Variants in CLTC observed in about 807,000 individuals in gnomAD.
CLTC encodes clathrin heavy chain 1.
Under a neutral mutation model 195.8 loss-of-function variants are expected in CLTC, and 16 were observed. The observed-to-expected ratio is 0.08, with a 90% CI of 0.06 to 0.12. The LOEUF is 0.12. Among genes scored for constraint, CLTC ranks in the 10% least tolerant of loss-of-function variants. CLTC has a pLI of 1.00. For missense variants in CLTC, 796 were observed against 2,027.0 expected (o/e 0.39, Z 11.66); for synonymous variants, 667 against 689.4 (o/e 0.97, Z 0.51).
intron 1 of CLTC, among the ~76,000 whole-genome samples, chr17:59,633,295 A>T (rs2031773615): frequency 6.6e-6 from 1 of 152,196 alleles, no homozygotes; most frequent in Non-Finnish European, 1.5e-5. Context: ...GTTTGAGACC[A>T]GCCTGGCCAA....
rs753763471 is a variant in CLTC, at chr17:59,676,921, T to A, written c.2562-33T>A. The A allele has an allele frequency of 4.9e-6, 7 of 1,431,194 alleles. No homozygotes were observed. In the South Asian group the frequency reaches 8.0e-5, roughly 16 times the overall value. 88.7% of individuals were successfully genotyped at this position (1,431,194 alleles called of 1,614,324 possible). A position where few individuals can be genotyped will look rare whatever the true frequency, so the allele number is the denominator to read the frequency against. On this transcript the variant is annotated intron_variant, in intron 16 of 31. Coordinates refer to ENST00000269122, the MANE Select transcript of CLTC (RefSeq NM_004859.4). ...AGAGTGTGTTATTTATAATACAGTA[T>A]GTGTGTGTGAGGTTTTTTTCCTTTT...
In CLTC at chr17:59,660,585, A is replaced by G. The variant is rs1307652518; in HGVS notation, c.1164A>G (p.Pro388=). The G allele has an allele frequency of 6.2e-7, 1 of 1,613,762 alleles. No individual in the cohort carries two copies. The highest frequency in any genetic ancestry group is 1.1e-5 in the South Asian group (1 of 91,076). The stretch of plus-strand genomic sequence containing the variant: ...CAGCAAAGGTGGCTGCTAATGCACC[A>G]AAGGTAAAGAGTTATGAAAATGAAG... ...SEAAKVAANA[P]KGILRTPDTI... The change falls in exon 7 of 32, where the codon CCA becomes CCG. Residue 388 remains proline (P), a synonymous_variant. Transcript: ENST00000269122.
intron 6 of CLTC, among the ~76,000 whole-genome samples, chr17:59,658,175 C>T (rs1485909372): frequency 6.6e-6 from 1 of 152,122 alleles, no homozygotes; most frequent in Non-Finnish European, 1.5e-5. Flanking sequence ...TGCACTCCAG[C>T]CTGGGTAACA....
At position 59,681,954 on chromosome 17, in the gene CLTC, C is replaced by T. The variant is rs780970492; in HGVS notation, c.3442+115C>T. 7.4e-6 allele frequency: 7 copies of T among 949,550 alleles called. No homozygotes were observed. The highest frequency in any genetic ancestry group is 1.1e-5 in the Non-Finnish European group (7 of 648,924). The allele number at this position is 949,550 out of a possible 1,614,324, so 58.8% of individuals were successfully genotyped here. A position where few individuals can be genotyped will look rare whatever the true frequency, so the allele number is the denominator to read the frequency against. Reference sequence around the variant, plus strand: ...GGATACTGCATGGTTTCTTTTAGTGCTCCATCTTAGTCCAGATAAAAAGAG... The same window carrying T: ...GGATACTGCATGGTTTCTTTTAGTGTTCCATCTTAGTCCAGATAAAAAGAG... On this transcript the variant is annotated intron_variant, in intron 21 of 31. Transcript: ENST00000269122. The surrounding 1 kb of genome is among the most constrained non-coding windows in gnomAD (Gnocchi z 5.0).
At chr17:59,653,186 T>C (rs904961755) in intron 5 of CLTC, among the ~76,000 whole-genome samples, 10 of 150,314 alleles carry the variant, frequency 6.7e-5, no homozygotes, top group Non-Finnish European at 1.5e-5. Flanking sequence ...TTTATTTATT[T>C]ATTTATTTTA....
In CLTC at chr17:59,643,136, T is replaced by G. The variant is rs868629826; in HGVS notation, c.43-1140T>G. Among the ~76,000 whole-genome samples, 381 of 143,370 alleles carry G rather than the reference T, an allele frequency of 2.7e-3. 1 individual carries two copies. Among genetic ancestry groups the G allele is most frequent in the Middle Eastern group, 0.011 (3 of 270 alleles). 94.1% of individuals were successfully genotyped at this position (143,370 alleles called of 152,430 possible). A position where few individuals can be genotyped will look rare whatever the true frequency, so the allele number is the denominator to read the frequency against. On this transcript the variant is annotated intron_variant, in intron 1 of 31. Transcript: ENST00000269122. ...TCCATGCTTTTTCTTTTCTGGGGTG[T>G]GTGTGTGTGTGTGTGTGTGTGTGTG...
At position 59,681,175 on chromosome 17, in the gene CLTC, A is replaced by G; in HGVS notation, c.3065+118A>G. 1.4e-6 allele frequency: 2 copies of G among 1,448,616 alleles called. No individual in the cohort carries two copies. The highest frequency in any genetic ancestry group is 1.9e-6 in the Non-Finnish European group (2 of 1,062,630). 89.7% of individuals were successfully genotyped at this position (1,448,616 alleles called of 1,614,324 possible). ...AAGTTGCCTGAATTCTCACTCTTCT[A>G]ATATCCTCCCCCCTACCCTACCTCT... On this transcript the variant is annotated intron_variant, in intron 19 of 31. Coordinates refer to ENST00000269122, the MANE Select transcript of CLTC (RefSeq NM_004859.4). The surrounding 1 kb of genome is among the most constrained non-coding windows in gnomAD (Gnocchi z 5.0).
intron 6 of CLTC, among the ~76,000 whole-genome samples, chr17:59,657,324 G>A (rs562035406): frequency 1.3e-5 from 2 of 152,154 alleles, no homozygotes; most frequent in African/African-American, 4.8e-5. Context: ...AAAATTGCTC[G>A]CTAAGCTGTT....
At chr17:59,624,020 CT>C (rs1184394834) in intron 1 of CLTC, among the ~76,000 whole-genome samples, 5 of 152,190 alleles carry the variant, frequency 3.3e-5, no homozygotes, top group African/African-American at 1.2e-4. Flanking sequence ...AATTAAAACA[CT>C]CATTGTTCAA....
At chr17:59,659,453 A>T (rs946981205) in intron 6 of CLTC, among the ~76,000 whole-genome samples, 8 of 134,566 alleles carry the variant, frequency 5.9e-5, no homozygotes, top group African/African-American at 1.3e-4. Context: ...TTTTTAATTA[A>T]TTTTTTTTTT....
At chr17:59,630,826 A>G (rs560177371) in intron 1 of CLTC, among the ~76,000 whole-genome samples, 9 of 152,100 alleles carry the variant, frequency 5.9e-5, no homozygotes, top group African/African-American at 1.9e-4. Context: ...GGTTCTTTCT[A>G]CCTTTTGGCT....
At chr17:59,673,876 C>A in intron 15 of CLTC, 104 bp downstream of exon 15, 1 of 655,874 alleles carries the variant, frequency 1.5e-6, no homozygotes, top group South Asian at 2.3e-5. Context: ...GAGTGGTCTG[C>A]AGCTTTTAAC....
intron 31 of CLTC, among the ~76,000 whole-genome samples, chr17:59,691,433 G>C (rs1264869001): frequency 6.6e-6 from 1 of 151,856 alleles, no homozygotes; most frequent in Non-Finnish European, 1.5e-5. Context: ...GACCATCCTG[G>C]CTAACACAGT....
intron 1 of CLTC, among the ~76,000 whole-genome samples, chr17:59,641,521 A>C (rs1239625914): frequency 7.0e-6 from 1 of 143,216 alleles, no homozygotes; most frequent in Non-Finnish European, 1.5e-5. Context: ...GAATCACTTG[A>C]ACCTAGGAGG....
intron 1 of CLTC, among the ~76,000 whole-genome samples, chr17:59,629,434 A>T (rs2031645934): frequency 6.6e-6 from 1 of 152,170 alleles, no homozygotes; most frequent in East Asian, 1.9e-4. Flanking sequence ...ATGGCCTCAC[A>T]GTTGGAACTG....
In CLTC at chr17:59,685,085, C is replaced by A; in HGVS notation, c.4464C>A (p.Asp1488Glu). 1 of 1,595,486 alleles carries A rather than the reference C, an allele frequency of 6.3e-7. No individual in the cohort carries two copies. ...TGCGAACATCAATAGATGCTTATGA[C>A]AACTTTGACAATATCTCGCTTGCTC... ...QALRTSIDAY[D>E]NFDNISLAQR... Residue 1488 changes from aspartate (D) to glutamate (E), a missense_variant, in exon 29 of 32, where the codon GAC (aspartate) becomes GAA (glutamate). Asp to Glu is a conservative substitution (Grantham distance 45). Transcript: ENST00000269122. The surrounding 1 kb of genome is among the most constrained non-coding windows in gnomAD (Gnocchi z 5.0).
At chr17:59,643,879 A>T (rs2143495663) in intron 1 of CLTC, among the ~76,000 whole-genome samples, 1 of 152,192 alleles carries the variant, frequency 6.6e-6, no homozygotes, top group South Asian at 2.1e-4. Flanking sequence ...TTGTAACTTA[A>T]TTTTTCAGCT....
At chr17:59,657,949 A>G (rs1048661066) in intron 6 of CLTC, among the ~76,000 whole-genome samples, 2 of 151,922 alleles carry the variant, frequency 1.3e-5, no homozygotes, top group Non-Finnish European at 2.9e-5. Context: ...CTGTAATCCC[A>G]GTACTTTGAG....
chr17:59,679,612 A>T, intron 18 of CLTC, 93 bp downstream of exon 18: 1 of 1,176,912 alleles, frequency 8.5e-7, no homozygotes, highest in Non-Finnish European at 1.2e-6. Flanking sequence ...ACTCAAATGG[A>T]TCATATATAA....
Sources: gnomAD v4.1 joint callset for allele counts (sites outside exome capture counted in the v4.1 genomes callset) on GRCh38, gnomAD v4.1.1 for gene constraint, Gnocchi (gnomAD v3.1) non-coding constraint, MANE v1.5 for transcripts, NCBI Gene and HGNC (gene_info 2026-07-23, HGNC 2026-07-21) for gene names.